The following ATXN8OS variants were observed in gnomAD, a reference collection of about 807,000 sequenced individuals.
ATXN8OS encodes the protein ATXN8 opposite strand lncRNA, also known as ATXN8 opposite strand (non-protein coding).
chr13:70,131,582 C>A (rs889470878), intron 3 of ATXN8OS: 1 of 397,860 alleles, frequency 2.5e-6, no homozygotes, highest in Non-Finnish European at 4.4e-6. Flanking sequence ...ACATTAAATA[C>A]TTTTTACCAC....
intron 2 of ATXN8OS, among the ~76,000 whole-genome samples, chr13:70,126,655 C>T (rs529488352): frequency 5.3e-5 from 8 of 150,158 alleles, no homozygotes; most frequent in African/African-American, 2.0e-4. Flanking sequence ...ATAGATATAT[C>T]TATAGGCAGA....
chr13:70,156,238 G>A lies in ATXN8OS; in HGVS notation n.573+8810G>A, dbSNP rs1888934883. Among the ~76,000 whole-genome samples the A allele has an allele frequency of 2.4e-5, 3 of 125,702 alleles. No homozygotes were observed. The South Asian group carries it at 8.8e-4, about 37-fold the overall frequency. The allele number at this position is 125,702 out of a possible 152,430, so 82.5% of individuals were successfully genotyped here. A position where few individuals can be genotyped will look rare whatever the true frequency, so the allele number is the denominator to read the frequency against. ...GAGTGAGCACAGGTGGGTATGGGTG[G>A]GTATGAGTGTGTGTGTGTGTGTGTG... On this transcript the variant is annotated intron_variant and non_coding_transcript_variant, in intron 4 of 4. Transcript: ENST00000678624.
chr13:70,147,974 G>C (rs1888810085), intron 4 of ATXN8OS, among the ~76,000 whole-genome samples: 1 of 152,098 alleles, frequency 6.6e-6, no homozygotes, highest in Admixed American at 6.6e-5. Flanking sequence ...GGTCATAGAT[G>C]GATTCAGATT....
chr13:70,144,164 G>T (rs886883714), intron 3 of ATXN8OS, among the ~76,000 whole-genome samples: 6 of 151,990 alleles, frequency 3.9e-5, no homozygotes, highest in Non-Finnish European at 8.8e-5. Context: ...ATATTTGTCT[G>T]TGTGGCTTTC....
At chr13:70,129,500 T>C (rs968096177) in intron 2 of ATXN8OS, among the ~76,000 whole-genome samples, 1 of 152,072 alleles carries the variant, frequency 6.6e-6, no homozygotes, top group African/African-American at 2.4e-5. Context: ...TCTATGCAGA[T>C]ATACTCAAGA....
chr13:70,138,188 C>T (rs1054553895), intron 3 of ATXN8OS, among the ~76,000 whole-genome samples: 18 of 152,160 alleles, frequency 1.2e-4, no homozygotes, highest in Non-Finnish European at 2.6e-4. Context: ...TGTTGTGCTA[C>T]ATTTTGTTTA....
intron 4 of ATXN8OS, among the ~76,000 whole-genome samples, chr13:70,168,588 A>C (rs1593780804): frequency 7.8e-6 from 1 of 128,994 alleles, no homozygotes; most frequent in Non-Finnish European, 1.7e-5. Flanking sequence ...TATCTCTGTG[A>C]CATCATTTTT....
At chr13:70,165,988 TTTGA>T (rs1215140878) in intron 4 of ATXN8OS, among the ~76,000 whole-genome samples, 1 of 152,076 alleles carries the variant, frequency 6.6e-6, no homozygotes, top group African/African-American at 2.4e-5. Flanking sequence ...CACATTTTCC[TTTGA>T]TTGTTGATAT....
intron 4 of ATXN8OS, among the ~76,000 whole-genome samples, chr13:70,160,176 G>T (rs1322880505): frequency 2.6e-5 from 4 of 151,714 alleles, no homozygotes; most frequent in Non-Finnish European, 5.9e-5. Flanking sequence ...CTTTTTGTGA[G>T]CACTCAGTCT....
intron 4 of ATXN8OS, among the ~76,000 whole-genome samples, chr13:70,168,257 A>G (rs1889101693): frequency 6.6e-6 from 1 of 152,100 alleles, no homozygotes; most frequent in Non-Finnish European, 1.5e-5. Context: ...CTACATTTTT[A>G]TGGGGTACAT....
chr13:70,119,254 T>C (rs993521199), intron 2 of ATXN8OS, among the ~76,000 whole-genome samples: 10 of 152,132 alleles, frequency 6.6e-5, no homozygotes, highest in Middle Eastern at 3.2e-3. Context: ...CAGAGAGGCC[T>C]AGTTAGCAAT....
chr13:70,121,997 T>C (rs939279964), intron 2 of ATXN8OS, among the ~76,000 whole-genome samples: 1 of 152,038 alleles, frequency 6.6e-6, no homozygotes, highest in African/African-American at 2.4e-5. Flanking sequence ...ATTTAAAAAT[T>C]ATATAACCTG....
chr13:70,163,622 C>A (rs1889036657), intron 4 of ATXN8OS, among the ~76,000 whole-genome samples: 2 of 151,998 alleles, frequency 1.3e-5, no homozygotes, highest in South Asian at 4.1e-4. Flanking sequence ...TAAAATAAAT[C>A]AAAGCAAATG....
chr13:70,160,830 T>A lies in ATXN8OS; in HGVS notation n.574-8923T>A, dbSNP rs1375938217. Among the ~76,000 whole-genome samples the A allele has an allele frequency of 2.0e-3, 143 of 71,856 alleles. 25 individuals are homozygous for A. The highest frequency in any genetic ancestry group is 5.0e-3 in the African/African-American group (133 of 26,598). 47.1% of individuals were successfully genotyped at this position (71,856 alleles called of 152,430 possible). A position where few individuals can be genotyped will look rare whatever the true frequency, so the allele number is the denominator to read the frequency against. On this transcript the variant is annotated intron_variant and non_coding_transcript_variant, in intron 4 of 4. Coordinates refer to ENST00000678624, the Ensembl canonical transcript of ATXN8OS. ...TTATAAATATATATAAATATATATT[T>A]ATATATATAAATATATTTATATTTT...
rs1048584896 is a variant in ATXN8OS, at chr13:70,167,625, C to T, written n.574-2128C>T. On this transcript the variant is annotated intron_variant and non_coding_transcript_variant, in intron 4 of 4. Coordinates refer to ENST00000678624, the Ensembl canonical transcript of ATXN8OS. ...TGCATACGTATGTAACTAACCTGCA[C>T]GTTGTGCACATGTACCCTAAAACTT... 4.6e-4 allele frequency among the ~76,000 whole-genome samples: 67 copies of T among 147,120 alleles called. 2 individuals are homozygous for T. Among genetic ancestry groups the T allele is most frequent in the Admixed American group, 1.3e-3 (19 of 14,468 alleles).
At chr13:70,169,231 A>G (rs1474737494) in intron 4 of ATXN8OS, among the ~76,000 whole-genome samples, 1 of 152,204 alleles carries the variant, frequency 6.6e-6, no homozygotes, top group Non-Finnish European at 1.5e-5. Context: ...TAGCTGCATT[A>G]TTTGTAGCAA....
intron 1 of ATXN8OS, among the ~76,000 whole-genome samples, chr13:70,109,086 G>A (rs1245431163): frequency 1.3e-5 from 2 of 152,224 alleles, no homozygotes. Context: ...AGAATTTCAA[G>A]GTATAACCTT....
intron 2 of ATXN8OS, among the ~76,000 whole-genome samples, chr13:70,128,500 T>C (rs1223207429): frequency 6.6e-6 from 1 of 151,890 alleles, no homozygotes; most frequent in Non-Finnish European, 1.5e-5. Context: ...CACCTTACTT[T>C]AGAGGTAGCA....
chr13:70,149,174 C>T (rs770276425), intron 4 of ATXN8OS, among the ~76,000 whole-genome samples: 11 of 151,828 alleles, frequency 7.2e-5, no homozygotes, highest in Non-Finnish European at 1.2e-4. Flanking sequence ...CTGGAATTTC[C>T]CTTTCTAATT....
Sources: allele counts gnomAD v4.1 joint callset (sites outside exome capture counted in the v4.1 genomes callset), GRCh38; gene constraint gnomAD v4.1.1; transcripts MANE v1.5; gene names NCBI Gene and HGNC (gene_info 2026-07-23, HGNC 2026-07-21).